HPSE2: variants seen among roughly 807,000 people sequenced by gnomAD.
The protein encoded by HPSE2 is inactive heparanase-2.
A neutral mutation model predicts 60.5 loss-of-function variants in HPSE2; 38 were observed. The ratio of observed to expected loss-of-function variants is 0.63; its 90% CI spans 0.48 to 0.82. The LOEUF (loss-of-function observed/expected upper bound fraction) is 0.82. Among genes scored for constraint, HPSE2 ranks in the 40% least tolerant of loss-of-function variants. The pLI, the probability that HPSE2 is intolerant of heterozygous loss-of-function variation, is 0.00. For synonymous variants in HPSE2, 295 were observed against 293.2 expected (o/e 1.01, Z -0.06); for missense variants, 713 against 740.4 (o/e 0.96, Z 0.43).
At chr10:98,805,754 T>C (rs114194230) in intron 3 of HPSE2, among the ~76,000 whole-genome samples, 1,810 of 152,230 alleles carry the variant, frequency 0.012, 24 homozygotes, top group African/African-American at 0.041. Context: ...CGGAAAGAAA[T>C]TGTTGATCAT....
In HPSE2 at chr10:98,675,579, A is replaced by AC. The variant is rs59595985; in HGVS notation, c.1004+18320_1004+18321insG. 7.3e-3 allele frequency among the ~76,000 whole-genome samples: 895 copies of AC among 122,312 alleles called. 4 individuals carry two copies. Among genetic ancestry groups the AC allele is most frequent in the Middle Eastern group, 0.02 (5 of 248 alleles). 80.2% of individuals were successfully genotyped at this position (122,312 alleles called of 152,430 possible). ...ACACACACACACACACACACACACAATAACCAGCCATGGTGGCACACACCT... is the reference window on the plus strand; with the variant it reads ...ACACACACACACACACACACACACAACTAACCAGCCATGGTGGCACACACCT... On this transcript the variant is annotated intron_variant, in intron 6 of 11. Transcript: ENST00000370552.
intron 9 of HPSE2, among the ~76,000 whole-genome samples, chr10:98,511,124 G>A (rs1942376269): frequency 1.6e-5 from 1 of 63,310 alleles, no homozygotes; most frequent in South Asian, 8.5e-4. Flanking sequence ...TATTTAATGT[G>A]TTGCTGTTTT....
At chr10:98,954,604 T>G (rs1005000242) in intron 3 of HPSE2, among the ~76,000 whole-genome samples, 3 of 152,154 alleles carry the variant, frequency 2.0e-5, no homozygotes, top group East Asian at 1.9e-4. Flanking sequence ...GTGTTTTTCT[T>G]TGTGGGGTCA....
chr10:98,648,301 G>A (rs1033775767), intron 6 of HPSE2, among the ~76,000 whole-genome samples: 113 of 152,150 alleles, frequency 7.4e-4, no homozygotes, highest in African/African-American at 2.7e-3. Flanking sequence ...AGCTGGGAAA[G>A]GAAAGAGGTA....
intron 2 of HPSE2, among the ~76,000 whole-genome samples, chr10:99,169,753 C>T (rs1847237922): frequency 6.6e-6 from 1 of 151,986 alleles, no homozygotes; most frequent in Non-Finnish European, 1.5e-5. Context: ...CATCCCCAGT[C>T]TCTTGGGGGA....
At chr10:98,931,298 T>G (rs149792884) in intron 3 of HPSE2, among the ~76,000 whole-genome samples, 2 of 143,940 alleles carry the variant, frequency 1.4e-5, no homozygotes, top group East Asian at 3.9e-4. Flanking sequence ...GTTTTATTTC[T>G]AAGTTCTCTA....
intron 3 of HPSE2, among the ~76,000 whole-genome samples, chr10:98,885,965 A>G (rs1953151688): frequency 6.6e-6 from 1 of 152,136 alleles, no homozygotes; most frequent in Non-Finnish European, 1.5e-5. Context: ...ATGAAGGGCC[A>G]GCTATTGAAA....
At position 98,721,671 on chromosome 10, in the gene HPSE2, G is replaced by C. The variant is rs142810016; in HGVS notation, c.942C>G (p.Ile314Met). Residue 314 changes from isoleucine (I) to methionine (M), a missense_variant, in exon 5 of 12, where the codon ATC (isoleucine) becomes ATG (methionine). Physicochemically the swap from Ile to Met is conservative, Grantham distance 10. Coordinates refer to ENST00000370552, the MANE Select transcript of HPSE2 (RefSeq NM_021828.5). ...ATCTGACCTACCCATCTAGGAGGGC[G>C]ATGACATTCTTCCTCGGCCGCCCAA... ...PNIGRPRKNV[I>M]ALLDGFMKVA... The C allele has an allele frequency of 4.3e-6, 7 of 1,613,410 alleles. No individual in the cohort carries two copies. The highest frequency in any genetic ancestry group is 1.3e-5 in the African/African-American group (1 of 74,846).
chr10:99,187,167 T>C (rs1402096418), intron 2 of HPSE2, among the ~76,000 whole-genome samples: 1 of 152,170 alleles, frequency 6.6e-6, no homozygotes, highest in African/African-American at 2.4e-5. Flanking sequence ...TTTTTTCTTA[T>C]TGTTAATCAT....
chr10:98,909,596 C>T (rs996827301), intron 3 of HPSE2, among the ~76,000 whole-genome samples: 17 of 149,880 alleles, frequency 1.1e-4, no homozygotes, highest in Admixed American at 1.3e-4. Context: ...CGCCACTGCA[C>T]CCAGCCTGGG....
chr10:99,189,281 G>A (rs921201362), intron 2 of HPSE2, among the ~76,000 whole-genome samples: 6 of 151,942 alleles, frequency 3.9e-5, no homozygotes, highest in Admixed American at 6.6e-5. Flanking sequence ...TATTTTTACC[G>A]GCTTCTGGCT....
intron 3 of HPSE2, among the ~76,000 whole-genome samples, chr10:98,802,241 G>A (rs1328652669): frequency 4.6e-5 from 7 of 151,300 alleles, no homozygotes; most frequent in African/African-American, 1.7e-4. Context: ...AAAACATTGG[G>A]AAAACTCTCC....
At chr10:99,164,594 T>C (rs1846990628) in intron 2 of HPSE2, among the ~76,000 whole-genome samples, 1 of 152,080 alleles carries the variant, frequency 6.6e-6, no homozygotes, top group Non-Finnish European at 1.5e-5. Context: ...TCACTACTTC[T>C]AGACCCTCTC....
Position 99,197,635 on chromosome 10 carries a change from T to C in HPSE2, c.448+34713A>G, listed in dbSNP as rs912559962. Among the ~76,000 whole-genome samples, 12 of 152,232 alleles carry C rather than the reference T, an allele frequency of 7.9e-5. No homozygotes were observed. The Middle Eastern group carries it at 0.01, about 129-fold the overall frequency. On this transcript the variant is annotated intron_variant, in intron 2 of 11. Transcript: ENST00000370552. Reference sequence around the variant, plus strand: ...GAAGCACTTAGCAAATAGTAAAATATCATGTAAATGTAATATAGAAATACT... The same window carrying C: ...GAAGCACTTAGCAAATAGTAAAATACCATGTAAATGTAATATAGAAATACT...
chr10:98,564,467 C>T (rs1944281022), intron 9 of HPSE2, among the ~76,000 whole-genome samples: 1 of 152,128 alleles, frequency 6.6e-6, no homozygotes, highest in African/African-American at 2.4e-5. Context: ...GTTCTTCTTT[C>T]AAATTTTTAG....
intron 3 of HPSE2, among the ~76,000 whole-genome samples, chr10:99,009,328 G>C (rs1956961250): frequency 6.6e-6 from 1 of 151,452 alleles, no homozygotes. Flanking sequence ...GCTGAGGTGG[G>C]TGAATTGCAT....
chr10:98,962,871 C>T (rs1425857329), intron 3 of HPSE2, among the ~76,000 whole-genome samples: 1 of 152,036 alleles, frequency 6.6e-6, no homozygotes, highest in African/African-American at 2.4e-5. Flanking sequence ...ATCCAACTTA[C>T]AAGGGATGTG....
At chr10:99,096,849 C>A (rs114339491) in intron 3 of HPSE2, among the ~76,000 whole-genome samples, 1 of 152,034 alleles carries the variant, frequency 6.6e-6, no homozygotes, top group African/African-American at 2.4e-5. Flanking sequence ...AAGGGGAATC[C>A]ATAGAAAAGG....
intron 9 of HPSE2, among the ~76,000 whole-genome samples, chr10:98,529,604 A>C (rs1274105939): frequency 1.3e-5 from 2 of 152,088 alleles, no homozygotes; most frequent in African/African-American, 4.8e-5. Flanking sequence ...TGCCTTTCTA[A>C]TCTCTGATAT....
Sources: allele counts gnomAD v4.1 joint callset (sites outside exome capture counted in the v4.1 genomes callset), GRCh38; gene constraint gnomAD v4.1.1; transcripts MANE v1.5; gene names NCBI Gene and HGNC (gene_info 2026-07-23, HGNC 2026-07-21).